The following KCNB2 variants were observed in gnomAD, a reference collection of about 807,000 sequenced individuals.
The protein encoded by KCNB2 is potassium voltage-gated channel subfamily B member 2, also known as delayed rectifier potassium channel protein.
In KCNB2, 15 loss-of-function variants were observed where a neutral mutation model predicts 61.5. That is an observed-to-expected ratio of 0.24 (90% CI 0.16 to 0.38). The LOEUF (loss-of-function observed/expected upper bound fraction) is 0.38. Ranked by LOEUF, KCNB2 falls within the 10% of genes least tolerant of loss-of-function variation. The pLI is 1.00. For synonymous variants in KCNB2, 457 were observed against 446.0 expected, an observed-to-expected ratio of 1.02 and a Z score of -0.31; for missense variants, 828 against 1,125.2, an observed-to-expected ratio of 0.74 and a Z score of 3.78.
At chr8:72,623,774 C>A (rs1476057699) in intron 2 of KCNB2, among the ~76,000 whole-genome samples, 9 of 152,206 alleles carry the variant, frequency 5.9e-5, no homozygotes, top group Non-Finnish European at 8.8e-5. Context: ...TAGGTCTTTA[C>A]TCTCCTTATT....
At chr8:72,854,345 A>G (rs1810170260) in intron 2 of KCNB2, among the ~76,000 whole-genome samples, 1 of 152,230 alleles carries the variant, frequency 6.6e-6, no homozygotes, top group Non-Finnish European at 1.5e-5. Flanking sequence ...GTGTTAGGAA[A>G]AGACTATTTA....
rs530201965 is a variant in KCNB2, at chr8:72,711,952, A to G, written c.579+143639A>G. On this transcript the variant is annotated intron_variant, in intron 2 of 2. Transcript: ENST00000523207. Reference sequence around the variant, plus strand: ...GGCTGCAGTGAGCTGAGATCACACCACTGCACTCTAGCCTGGGCGACATAG... The same window carrying G: ...GGCTGCAGTGAGCTGAGATCACACCGCTGCACTCTAGCCTGGGCGACATAG... Among the ~76,000 whole-genome samples, 5 of 152,324 alleles carry G rather than the reference A, an allele frequency of 3.3e-5. No homozygotes were observed. In the South Asian group the frequency reaches 8.3e-4, roughly 25 times the overall value.
chr8:72,791,307 T>C (rs1001652784), intron 2 of KCNB2, among the ~76,000 whole-genome samples: 1 of 152,146 alleles, frequency 6.6e-6, no homozygotes, highest in Non-Finnish European at 1.5e-5. Flanking sequence ...CCCAGCACTT[T>C]GCGGGACCAA....
At chr8:72,842,029 C>A (rs1368059278) in intron 2 of KCNB2, among the ~76,000 whole-genome samples, 1 of 152,180 alleles carries the variant, frequency 6.6e-6, no homozygotes, top group Non-Finnish European at 1.5e-5. Context: ...ACGCGCCTAG[C>A]TTTTGCCCAT....
chr8:72,905,533 C>CA (rs1207539612), intron 2 of KCNB2, among the ~76,000 whole-genome samples: 9 of 150,436 alleles, frequency 6.0e-5, no homozygotes, highest in East Asian at 3.9e-4. Flanking sequence ...GCTTTCAGTA[C>CA]AAGAAGAGTA....
At chr8:72,801,064 GA>G (rs1809117944) in intron 2 of KCNB2, among the ~76,000 whole-genome samples, 1 of 152,144 alleles carries the variant, frequency 6.6e-6, no homozygotes, top group Non-Finnish European at 1.5e-5. Flanking sequence ...ACTGAGATCT[GA>G]GTGTTTTTCT....
chr8:72,882,871 A>G (rs559422916), intron 2 of KCNB2, among the ~76,000 whole-genome samples: 8 of 152,216 alleles, frequency 5.3e-5, no homozygotes, highest in Non-Finnish European at 1.0e-4. Flanking sequence ...AAAGAATTCA[A>G]ATTTCTGGCT....
intron 2 of KCNB2, among the ~76,000 whole-genome samples, chr8:72,739,328 A>T (rs993103527): frequency 1.3e-5 from 2 of 152,018 alleles, no homozygotes; most frequent in African/African-American, 4.8e-5. Context: ...GGACAAAAAT[A>T]TCAATGAGGT....
intron 2 of KCNB2, among the ~76,000 whole-genome samples, chr8:72,865,273 G>A (rs1400624254): frequency 6.6e-6 from 1 of 151,882 alleles, no homozygotes; most frequent in African/African-American, 2.4e-5. Flanking sequence ...GCCCCCAAAG[G>A]CTTGGGATTC....
At chr8:72,812,229 C>T (rs1282699755) in intron 2 of KCNB2, among the ~76,000 whole-genome samples, 2 of 151,944 alleles carry the variant, frequency 1.3e-5, no homozygotes, top group Non-Finnish European at 2.9e-5. Context: ...GATCGCACCA[C>T]TGCCCTCCAG....
intron 2 of KCNB2, among the ~76,000 whole-genome samples, chr8:72,654,916 T>C (rs1200686174): frequency 6.6e-6 from 1 of 152,154 alleles, no homozygotes; most frequent in African/African-American, 2.4e-5. Context: ...AACTTAGAAC[T>C]ACCATTTGAC....
chr8:72,733,248 C>T (rs1357600335), intron 2 of KCNB2, among the ~76,000 whole-genome samples: 2 of 152,086 alleles, frequency 1.3e-5, no homozygotes, highest in African/African-American at 4.8e-5. Context: ...AATGATATCC[C>T]TTTATTTACT....
At position 72,648,011 on chromosome 8, in the gene KCNB2, G is replaced by A. The variant is rs531084997; in HGVS notation, c.579+79698G>A. ...AGTGGTCAGGGGCCAATGGTCAGGT[G>A]TAGGCTAGAATGAACTGTATATTCT... On this transcript the variant is annotated intron_variant, in intron 2 of 2. Transcript: ENST00000523207. Among the ~76,000 whole-genome samples the A allele has an allele frequency of 7.9e-5, 12 of 152,256 alleles. No individual in the cohort carries two copies. In the South Asian group the frequency reaches 2.5e-3, roughly 32 times the overall value.
chr8:72,671,920 GT>G (rs1255422387), intron 2 of KCNB2, among the ~76,000 whole-genome samples: 4 of 152,152 alleles, frequency 2.6e-5, no homozygotes, highest in Non-Finnish European at 5.9e-5. Flanking sequence ...TAACTTTTGA[GT>G]TGTAACATGT....
At chr8:72,693,725 A>G (rs1427998943) in intron 2 of KCNB2, among the ~76,000 whole-genome samples, 1 of 152,190 alleles carries the variant, frequency 6.6e-6, no homozygotes, top group Non-Finnish European at 1.5e-5. Context: ...TTTGGGCTGG[A>G]TGTGCCCTGA....
At chr8:72,716,131 A>G (rs550881315) in intron 2 of KCNB2, among the ~76,000 whole-genome samples, 2 of 152,250 alleles carry the variant, frequency 1.3e-5, no homozygotes, top group Non-Finnish European at 2.9e-5. Flanking sequence ...GAATCTCTGA[A>G]TAGACCAATA....
chr8:72,849,308 C>A (rs1429350959), intron 2 of KCNB2, among the ~76,000 whole-genome samples: 1 of 151,756 alleles, frequency 6.6e-6, no homozygotes, highest in African/African-American at 2.4e-5. Context: ...ATTATCATAT[C>A]CATCATCTCA....
At chr8:72,694,720 TTAATGG>T (rs1806990383) in intron 2 of KCNB2, among the ~76,000 whole-genome samples, 1 of 152,038 alleles carries the variant, frequency 6.6e-6, no homozygotes, top group African/African-American at 2.4e-5. Flanking sequence ...CAAGCAACAA[TTAATGG>T]TAGTGGTTGT....
chr8:72,893,144 T>A (rs1004414156), intron 2 of KCNB2, among the ~76,000 whole-genome samples: 2 of 152,048 alleles, frequency 1.3e-5, no homozygotes, highest in African/African-American at 4.8e-5. Flanking sequence ...GTATATGATT[T>A]GCTATTTATG....
Sources: allele counts gnomAD v4.1 joint callset (sites outside exome capture counted in the v4.1 genomes callset), GRCh38; gene constraint gnomAD v4.1.1; transcripts MANE v1.5; gene names NCBI Gene and HGNC (gene_info 2026-07-23, HGNC 2026-07-21).